Variants in SHROOM3 observed in about 807,000 individuals in gnomAD.
SHROOM3 encodes protein Shroom3.
A neutral mutation model predicts 138.6 loss-of-function variants in SHROOM3; 47 were observed. The ratio of observed to expected loss-of-function variants is 0.34; its 90% CI spans 0.27 to 0.43. SHROOM3 has a LOEUF of 0.43. SHROOM3 is among the 20% of genes least tolerant of loss of function. The pLI is 1.00. For missense variants in SHROOM3, 2,491 were observed against 2,596.5 expected (o/e 0.96, Z 0.88); for synonymous variants, 1,062 against 1,063.3 (o/e 1.00, Z 0.02).
At chr4:76,673,764 C>T (rs13130505) in intron 2 of SHROOM3, among the ~76,000 whole-genome samples, 28,322 of 152,208 alleles carry the variant, frequency 0.19, 2,938 homozygotes, top group East Asian at 0.35. Context: ...AGTATATTCA[C>T]ATTGTGGTAC....
chr4:76,718,171 A>G (rs1005903081), intron 3 of SHROOM3, among the ~76,000 whole-genome samples: 3 of 152,310 alleles, frequency 2.0e-5, no homozygotes, highest in African/African-American at 4.8e-5. Flanking sequence ...TATATTATCA[A>G]ATTTGCTCAT....
At chr4:76,623,490 C>T (rs191798711) in intron 2 of SHROOM3, among the ~76,000 whole-genome samples, 3 of 152,350 alleles carry the variant, frequency 2.0e-5, no homozygotes, top group Admixed American at 2.0e-4. Flanking sequence ...AAGCACTGGA[C>T]TACCACTCGG....
chr4:76,775,526 C>T (rs1722523485), intron 10 of SHROOM3, among the ~76,000 whole-genome samples: 1 of 151,968 alleles, frequency 6.6e-6, no homozygotes, highest in African/African-American at 2.4e-5. Context: ...ATCATTTGAT[C>T]CAGCAGTCCC....
intron 2 of SHROOM3, among the ~76,000 whole-genome samples, chr4:76,570,506 A>G (rs569145112): frequency 3.9e-5 from 6 of 152,108 alleles, no homozygotes; most frequent in Non-Finnish European, 8.8e-5. Context: ...TCACCTTTCC[A>G]TCACTGTCTC....
chr4:76,750,940 G>T (rs1180966766), intron 6 of SHROOM3, among the ~76,000 whole-genome samples: 1 of 152,180 alleles, frequency 6.6e-6, no homozygotes, highest in Non-Finnish European at 1.5e-5. Flanking sequence ...AGGTGCAGCT[G>T]CATGCCTAGT....
chr4:76,711,106 C>T (rs1203250502), intron 3 of SHROOM3, among the ~76,000 whole-genome samples: 1 of 152,170 alleles, frequency 6.6e-6, no homozygotes, highest in Non-Finnish European at 1.5e-5. Flanking sequence ...TCATCATTAT[C>T]ACAAAAGTCT....
intron 1 of SHROOM3, among the ~76,000 whole-genome samples, chr4:76,494,306 T>C (rs1731920341): frequency 6.6e-6 from 1 of 152,234 alleles, no homozygotes; most frequent in Non-Finnish European, 1.5e-5. Flanking sequence ...TTCACTCACA[T>C]AGCAAATCTT....
chr4:76,748,383 C>A (rs1376376488), intron 5 of SHROOM3, among the ~76,000 whole-genome samples: 1 of 152,090 alleles, frequency 6.6e-6, no homozygotes, highest in Non-Finnish European at 1.5e-5. Context: ...TGGACCTGAT[C>A]ACAGGGACCA....
At chr4:76,776,444 TTTAA>T (rs757216179) in intron 10 of SHROOM3, among the ~76,000 whole-genome samples, 1 of 152,252 alleles carries the variant, frequency 6.6e-6, no homozygotes, top group African/African-American at 2.4e-5. Context: ...AGCTCTTTAG[TTTAA>T]TTAAGTCCTA....
At chr4:76,508,741 T>A (rs910554283) in intron 1 of SHROOM3, among the ~76,000 whole-genome samples, 1 of 152,182 alleles carries the variant, frequency 6.6e-6, no homozygotes, top group Non-Finnish European at 1.5e-5. Flanking sequence ...TGTTTCATGG[T>A]TTTCAGTGTA....
chr4:76,482,481 A>C (rs1464477831), intron 1 of SHROOM3, among the ~76,000 whole-genome samples: 1 of 152,200 alleles, frequency 6.6e-6, no homozygotes, highest in Non-Finnish European at 1.5e-5. Context: ...GAGAACTACA[A>C]ACCACTGCTC....
At chr4:76,761,636 G>C (rs1237120767) in intron 9 of SHROOM3, among the ~76,000 whole-genome samples, 1 of 152,198 alleles carries the variant, frequency 6.6e-6, no homozygotes, top group Non-Finnish European at 1.5e-5. Context: ...CCTGGGAACT[G>C]AGCTAAACTG....
chr4:76,552,020 C>T (rs1008804334), intron 1 of SHROOM3, among the ~76,000 whole-genome samples: 44 of 125,602 alleles, frequency 3.5e-4, no homozygotes, highest in Admixed American at 2.5e-3. Context: ...CGCCATCACG[C>T]CCGGCTAATT....
chr4:76,597,350 A>G (rs767394103), intron 2 of SHROOM3, among the ~76,000 whole-genome samples: 4 of 152,164 alleles, frequency 2.6e-5, no homozygotes, highest in Non-Finnish European at 5.9e-5. Context: ...GACAAAATCA[A>G]TGTGGCTATC....
At chr4:76,667,741 G>T (rs1718738220) in intron 2 of SHROOM3, among the ~76,000 whole-genome samples, 1 of 151,586 alleles carries the variant, frequency 6.6e-6, no homozygotes, top group Admixed American at 6.6e-5. Flanking sequence ...GGCTGAGGCG[G>T]GCGGATCATG....
At chr4:76,461,826 G>T (rs966601626) in intron 1 of SHROOM3, among the ~76,000 whole-genome samples, 2 of 152,160 alleles carry the variant, frequency 1.3e-5, no homozygotes, top group Non-Finnish European at 2.9e-5. Context: ...GTTGCAATTG[G>T]CATTACTTGA....
intron 1 of SHROOM3, among the ~76,000 whole-genome samples, chr4:76,533,853 G>A (rs1732883444): frequency 6.6e-6 from 1 of 152,092 alleles, no homozygotes; most frequent in African/African-American, 2.4e-5. Context: ...TTTGTTTTTG[G>A]AACTGCAGAA....
chr4:76,703,783 G>A (rs1412346616), intron 2 of SHROOM3, among the ~76,000 whole-genome samples: 1 of 152,220 alleles, frequency 6.6e-6, no homozygotes, highest in Non-Finnish European at 1.5e-5. Flanking sequence ...ATGAATGAGT[G>A]TACACACCCA....
At chr4:76,734,007 A>C (rs941944370) in intron 4 of SHROOM3, among the ~76,000 whole-genome samples, 2 of 152,166 alleles carry the variant, frequency 1.3e-5, no homozygotes, top group Admixed American at 1.3e-4. Context: ...AAAGTACTTT[A>C]GAAGAGACTG....
Sources: allele counts gnomAD v4.1 joint callset (sites outside exome capture counted in the v4.1 genomes callset), GRCh38; gene constraint gnomAD v4.1.1; transcripts MANE v1.5; gene names NCBI Gene and HGNC (gene_info 2026-07-23, HGNC 2026-07-21).